The following CABCOCO1 variants were observed in gnomAD, a reference collection of about 807,000 sequenced individuals.
CABCOCO1 encodes ciliary associated calcium binding coiled-coil 1.
A neutral mutation model predicts 35.7 loss-of-function variants in CABCOCO1; 28 were observed. The observed-to-expected ratio is 0.78, with a 90% confidence interval of 0.58 to 1.07. The LOEUF (loss-of-function observed/expected upper bound fraction) is 1.07. CABCOCO1 is among the 50% of genes least tolerant of loss of function. The probability of loss-of-function intolerance (pLI) is 0.00; values close to 1 mark genes in which losing one functional copy is unlikely to be tolerated. For synonymous variants in CABCOCO1, 95 were observed against 100.1 expected (o/e 0.95, Z 0.30); for missense variants, 326 against 309.2 (o/e 1.05, Z -0.41).
chr10:61,741,428 C>T (rs1390834935), intron 5 of CABCOCO1, among the ~76,000 whole-genome samples: 6 of 152,044 alleles, frequency 3.9e-5, no homozygotes, highest in Admixed American at 1.3e-4. Context: ...TGAGTGCCAC[C>T]TATTTAAGGA....
chr10:61,735,374 C>A lies in CABCOCO1; in HGVS notation c.553-24685C>A, dbSNP rs532843447. ...TCAGATAAAGTCATTGAGGTGAAAT[C>A]AACTAAGAAGAGGTAGCTATAACCC... On this transcript the variant is annotated intron_variant, in intron 5 of 7. Coordinates refer to ENST00000648843, the MANE Select transcript of CABCOCO1 (RefSeq NM_001366906.2). 2.6e-5 allele frequency among the ~76,000 whole-genome samples: 4 copies of A among 152,206 alleles called. No homozygotes were observed. In the East Asian group the frequency reaches 7.7e-4, roughly 29 times the overall value.
At chr10:61,738,806 G>A (rs1376493803) in intron 5 of CABCOCO1, among the ~76,000 whole-genome samples, 3 of 151,918 alleles carry the variant, frequency 2.0e-5, no homozygotes, top group Non-Finnish European at 4.4e-5. Flanking sequence ...ATATCAACTT[G>A]GCCTGCACTA....
chr10:61,743,479 A>G (rs184340347), intron 5 of CABCOCO1, among the ~76,000 whole-genome samples: 441 of 152,190 alleles, frequency 2.9e-3, no homozygotes, highest in African/African-American at 0.01. Flanking sequence ...ATTTTTATAT[A>G]TGTTTCTAAG....
chr10:61,702,859 T>C (rs1384935861), intron 5 of CABCOCO1, among the ~76,000 whole-genome samples: 1 of 151,766 alleles, frequency 6.6e-6, no homozygotes, highest in Non-Finnish European at 1.5e-5. Flanking sequence ...TGAGAAACTT[T>C]CTATGCAAAT....
At chr10:61,708,254 GGAA>G (rs201366942) in intron 5 of CABCOCO1, among the ~76,000 whole-genome samples, 1,759 of 151,182 alleles carry the variant, frequency 0.012, 27 homozygotes, top group African/African-American at 0.04. Flanking sequence ...AGGATGCAAT[GGAA>G]GTGGTTACTT....
chr10:61,726,891 C>G lies in CABCOCO1; in HGVS notation c.553-33168C>G, dbSNP rs371667832. ...TGGCCAATATGGCAAAACCCCGTCTCTACAGAAAAAAAAAAAAAAAAAAGT... is the reference window on the plus strand; with the variant it reads ...TGGCCAATATGGCAAAACCCCGTCTGTACAGAAAAAAAAAAAAAAAAAAGT... On this transcript the variant is annotated intron_variant, in intron 5 of 7. Coordinates refer to ENST00000648843, the MANE Select transcript of CABCOCO1 (RefSeq NM_001366906.2). 4.2e-5 allele frequency among the ~76,000 whole-genome samples: 6 copies of G among 142,086 alleles called. No individual in the cohort carries two copies. The East Asian group carries it at 1.0e-3, about 24-fold the overall frequency. The allele number at this position is 142,086 out of a possible 152,430, so 93.2% of individuals were successfully genotyped here.
At chr10:61,697,848 G>A (rs1024013386) in intron 5 of CABCOCO1, among the ~76,000 whole-genome samples, 1 of 151,990 alleles carries the variant, frequency 6.6e-6, no homozygotes, top group Non-Finnish European at 1.5e-5. Flanking sequence ...GAAAAAATAC[G>A]TGAACTCTCA....
rs1379478105 is a variant in CABCOCO1 at position 61,686,025 on chromosome 10, C to G, written c.335-16C>G. 6.3e-7 allele frequency: 1 copy of G among 1,578,994 alleles called. No homozygotes were observed. Among genetic ancestry groups the G allele is most frequent in the Non-Finnish European group, 8.6e-7 (1 of 1,168,256 alleles). On this transcript the variant is annotated splice_polypyrimidine_tract_variant and intron_variant, in intron 3 of 7. Transcript: ENST00000648843. ...TATCAAAATAATAATTAAGATTTCT[C>G]TGGATTTTATTTCAGCACTACATAT...
intron 5 of CABCOCO1, among the ~76,000 whole-genome samples, chr10:61,710,276 G>A (rs1840700842): frequency 6.6e-6 from 1 of 150,792 alleles, no homozygotes; most frequent in South Asian, 2.1e-4. Context: ...GTGTGTGTGT[G>A]TGTGTGTGTG....
intron 7 of CABCOCO1, 148 bp from the exon 8 acceptor site, chr10:61,765,791 G>C: frequency 1.5e-6 from 1 of 650,246 alleles, no homozygotes; most frequent in Non-Finnish European, 2.6e-6. Context: ...CATCACTACA[G>C]GCTGAAACAC....
At chr10:61,709,971 A>G (rs1180161409) in intron 5 of CABCOCO1, among the ~76,000 whole-genome samples, 1 of 152,084 alleles carries the variant, frequency 6.6e-6, no homozygotes, top group Non-Finnish European at 1.5e-5. Context: ...TTAAAGCATG[A>G]GTGACTTCAT....
intron 2 of CABCOCO1, among the ~76,000 whole-genome samples, chr10:61,680,884 G>C (rs546435637): frequency 6.6e-6 from 1 of 150,606 alleles, no homozygotes; most frequent in East Asian, 2.0e-4. Context: ...AGAAAGAAGG[G>C]GAAGGGGAGA....
At chr10:61,755,315 A>T (rs980199037) in intron 5 of CABCOCO1, among the ~76,000 whole-genome samples, 7 of 152,228 alleles carry the variant, frequency 4.6e-5, no homozygotes, top group Middle Eastern at 3.4e-3. Context: ...TTCCAGAGCC[A>T]CACAAGTACT....
chr10:61,757,684 T>A (rs996785035), intron 5 of CABCOCO1, among the ~76,000 whole-genome samples: 2 of 105,224 alleles, frequency 1.9e-5, no homozygotes, highest in Non-Finnish European at 3.8e-5. Context: ...GTGTGCCCAG[T>A]ACACACACAC....
chr10:61,738,329 C>T (rs2132063672), intron 5 of CABCOCO1, among the ~76,000 whole-genome samples: 1 of 152,242 alleles, frequency 6.6e-6, no homozygotes, highest in Middle Eastern at 3.4e-3. Context: ...TTGTGAAAAG[C>T]AGAGCCACCA....
intron 5 of CABCOCO1, among the ~76,000 whole-genome samples, chr10:61,728,493 G>A (rs1419869702): frequency 1.3e-5 from 2 of 152,114 alleles, no homozygotes; most frequent in Admixed American, 1.3e-4. Flanking sequence ...AATTCTTCTT[G>A]ACAACTACAA....
At chr10:61,725,054 A>G (rs1841111695) in intron 5 of CABCOCO1, among the ~76,000 whole-genome samples, 1 of 152,130 alleles carries the variant, frequency 6.6e-6, no homozygotes, top group African/African-American at 2.4e-5. Context: ...TGTTTATTTT[A>G]CTGTTGTAGT....
chr10:61,718,022 T>C (rs981608051), intron 5 of CABCOCO1, among the ~76,000 whole-genome samples: 1 of 152,190 alleles, frequency 6.6e-6, no homozygotes, highest in Non-Finnish European at 1.5e-5. Context: ...TCTGAATGGA[T>C]GCTGGTCCGC....
intron 5 of CABCOCO1, among the ~76,000 whole-genome samples, chr10:61,727,082 AATAATAAGAG>A (rs1841172626): frequency 6.6e-6 from 1 of 152,060 alleles, no homozygotes. Flanking sequence ...AAAATGTTAT[AATAATAAGAG>A]ATAAAATGTG....
Sources: allele counts gnomAD v4.1 joint callset (sites outside exome capture counted in the v4.1 genomes callset), GRCh38; gene constraint gnomAD v4.1.1; transcripts MANE v1.5; gene names NCBI Gene and HGNC (gene_info 2026-07-23, HGNC 2026-07-21).